RBKS: variants seen among roughly 807,000 people sequenced by gnomAD.
RBKS encodes ribokinase.
A neutral mutation model predicts 33.9 loss-of-function variants in RBKS; 33 were observed. The observed-to-expected ratio is 0.97, with a 90% CI of 0.74 to 1.30. The LOEUF is 1.30. Ranked by LOEUF, RBKS falls within the 50% of genes most tolerant of loss-of-function variation. The pLI is 0.00. For missense variants in RBKS, 361 were observed against 392.6 expected (o/e 0.92, Z 0.68); for synonymous variants, 125 against 143.0 (o/e 0.87, Z 0.90).
At chr2:27,863,607 A>C in intron 1 of RBKS, among the ~76,000 whole-genome samples, 1 of 152,230 alleles carries the variant, frequency 6.6e-6, no homozygotes, top group East Asian at 1.9e-4. Flanking sequence ...TCAACCAAAG[A>C]GGTCATGCTA....
At chr2:27,789,965 A>G (rs747480370) in intron 7 of RBKS, among the ~76,000 whole-genome samples, 3 of 137,566 alleles carry the variant, frequency 2.2e-5, no homozygotes, top group South Asian at 2.2e-4. Context: ...ATATATATAT[A>G]TATATATGTA....
chr2:27,826,259 A>T (rs1678309505), intron 7 of RBKS, among the ~76,000 whole-genome samples: 1 of 152,162 alleles, frequency 6.6e-6, no homozygotes, highest in Non-Finnish European at 1.5e-5. Context: ...AATGACCCAC[A>T]TTTTAAAGTC....
chr2:27,786,985 T>C (rs992996004), intron 7 of RBKS, among the ~76,000 whole-genome samples: 3 of 152,126 alleles, frequency 2.0e-5, no homozygotes, highest in African/African-American at 7.2e-5. Flanking sequence ...CAACATGTGT[T>C]GCTTTTTTCT....
chr2:27,866,282 AT>A (rs1664096615), intron 1 of RBKS, among the ~76,000 whole-genome samples: 1 of 152,142 alleles, frequency 6.6e-6, no homozygotes, highest in African/African-American at 2.4e-5. Flanking sequence ...TCTGCAATCA[AT>A]CTTTGTTCCT....
rs1236261944 is a variant in RBKS, at chr2:27,866,942, A to G, written c.90-8371T>C. 3.9e-5 allele frequency among the ~76,000 whole-genome samples: 6 copies of G among 152,048 alleles called. No homozygotes were observed. The East Asian group carries it at 5.8e-4, about 15-fold the overall frequency. On this transcript the variant is annotated intron_variant, in intron 1 of 7. Coordinates refer to ENST00000302188, the MANE Select transcript of RBKS (RefSeq NM_022128.3). ...AACATAGTGAGACCTTGTCTCTACA[A>G]ATAATTTAAAAATTAGCTGGGTATG...
chr2:27,783,164 C>T (rs560412970), intron 7 of RBKS, among the ~76,000 whole-genome samples: 4 of 152,184 alleles, frequency 2.6e-5, no homozygotes, highest in South Asian at 2.1e-4. Flanking sequence ...CCCAGGGGGC[C>T]GGGCGTGGTG....
At chr2:27,873,362 G>A (rs1664253425) in intron 1 of RBKS, among the ~76,000 whole-genome samples, 1 of 152,150 alleles carries the variant, frequency 6.6e-6, no homozygotes, top group Admixed American at 6.5e-5. Flanking sequence ...CTCCACAAAT[G>A]TTCACTGAGT....
intron 5 of RBKS, among the ~76,000 whole-genome samples, chr2:27,838,974 TG>T (rs1445158251): frequency 6.6e-6 from 1 of 152,212 alleles, no homozygotes; most frequent in East Asian, 1.9e-4. Flanking sequence ...CTCTTTATGG[TG>T]TTGTCACGGA....
At chr2:27,819,331 G>A (rs917702631) in intron 7 of RBKS, among the ~76,000 whole-genome samples, 4 of 151,900 alleles carry the variant, frequency 2.6e-5, no homozygotes, top group African/African-American at 9.7e-5. Flanking sequence ...CTCTCCCATC[G>A]AACCAGGACC....
intron 1 of RBKS, among the ~76,000 whole-genome samples, chr2:27,860,587 C>G (rs921064966): frequency 6.6e-6 from 1 of 152,060 alleles, no homozygotes; most frequent in African/African-American, 2.4e-5. Context: ...CAGATTATTA[C>G]TGGGATGTAT....
In RBKS at chr2:27,804,395, C is replaced by T. The variant is rs570030310; in HGVS notation, c.796-22607G>A. On this transcript the variant is annotated intron_variant, in intron 7 of 7. Transcript: ENST00000302188. ...CCCATTCCTCCCAACCATCCACAGG[C>T]CTAGGAACCACTTATCTGCTTTGTC... is the stretch of plus-strand genomic sequence containing the variant. Among the ~76,000 whole-genome samples the T allele has an allele frequency of 2.6e-5, 4 of 152,290 alleles. No individual in the cohort carries two copies. The East Asian group carries it at 7.7e-4, about 29-fold the overall frequency.
At chr2:27,858,311 C>A in intron 2 of RBKS, 128 bp downstream of exon 2, 1 of 799,198 alleles carries the variant, frequency 1.3e-6, no homozygotes, top group Non-Finnish European at 1.9e-6. Flanking sequence ...GTATTAAATG[C>A]CACTCTATGT....
In RBKS at chr2:27,833,103, A is replaced by G. The variant is rs560843456; in HGVS notation, c.515-326T>C. On this transcript the variant is annotated intron_variant, in intron 5 of 7. Coordinates refer to ENST00000302188, the MANE Select transcript of RBKS (RefSeq NM_022128.3). ...AAAAGTAAAAATGCTGTGGCATGAAAGGGCATGTGTGAATGTGAACAGGCT... is the reference window on the plus strand; with the variant it reads ...AAAAGTAAAAATGCTGTGGCATGAAGGGGCATGTGTGAATGTGAACAGGCT... Among the ~76,000 whole-genome samples, 9 of 152,340 alleles carry G rather than the reference A, an allele frequency of 5.9e-5. No homozygotes were observed. In the South Asian group the frequency reaches 1.9e-3, roughly 32 times the overall value.
chr2:27,826,173 T>A (rs1678307858), intron 7 of RBKS, among the ~76,000 whole-genome samples: 1 of 152,220 alleles, frequency 6.6e-6, no homozygotes, highest in Admixed American at 6.5e-5. Flanking sequence ...ACATAACCAT[T>A]TCTTGCACTT....
intron 1 of RBKS, among the ~76,000 whole-genome samples, chr2:27,881,865 C>T (rs1052326061): frequency 4.6e-5 from 7 of 152,120 alleles, no homozygotes; most frequent in African/African-American, 9.7e-5. Flanking sequence ...TGGCTAGGCA[C>T]GTGCAGAAGA....
rs1305362765 is a variant in RBKS, at chr2:27,786,794, AAG to A, written c.796-5008_796-5007del. On this transcript the variant is annotated intron_variant, in intron 7 of 7. Transcript: ENST00000302188. ...AGACTGTCTCAAAAAAAAAAAAAAA[AAG>A]AAAGAAAGTTTAAAAAATATTGTAC... Among the ~76,000 whole-genome samples the A allele has an allele frequency of 2.3e-3, 182 of 78,224 alleles. 1 individual carries two copies. The highest frequency in any genetic ancestry group is 0.01 in the African/African-American group (164 of 15,996). The allele number at this position is 78,224 out of a possible 152,430, so 51.3% of individuals were successfully genotyped here.
intron 6 of RBKS, among the ~76,000 whole-genome samples, 157 bp from the exon 7 acceptor site, chr2:27,827,912 A>G (rs777390236): frequency 6.6e-6 from 1 of 152,234 alleles, no homozygotes; most frequent in Non-Finnish European, 1.5e-5. Context: ...AAATAAAGCA[A>G]TAACAGTGAT....
intron 1 of RBKS, among the ~76,000 whole-genome samples, chr2:27,886,567 T>G (rs1038591323): frequency 6.6e-6 from 1 of 152,014 alleles, no homozygotes; most frequent in African/African-American, 2.4e-5. Context: ...AGAGGTAGAA[T>G]GATATAATGG....
At chr2:27,838,721 C>A (rs1429882019) in intron 5 of RBKS, among the ~76,000 whole-genome samples, 4 of 152,170 alleles carry the variant, frequency 2.6e-5, no homozygotes, top group Non-Finnish European at 5.9e-5. Flanking sequence ...AAGGTGGAAG[C>A]CATGATGTCA....
Sources: gnomAD v4.1 joint callset for allele counts (sites outside exome capture counted in the v4.1 genomes callset) on GRCh38, gnomAD v4.1.1 for gene constraint, MANE v1.5 for transcripts, NCBI Gene and HGNC (gene_info 2026-07-23, HGNC 2026-07-21) for gene names.